BMP5: variants seen among roughly 807,000 people sequenced by gnomAD.
BMP5 encodes bone morphogenetic protein 5.
BMP5 carries 23 observed loss-of-function variants against 46.6 expected under a neutral mutation model. The ratio of observed to expected loss-of-function variants is 0.49; its 90% CI spans 0.35 to 0.70. The LOEUF is 0.70. BMP5 is among the 30% of genes least tolerant of loss of function. The pLI, the probability that BMP5 is intolerant of heterozygous loss-of-function variation, is 0.00. For missense variants in BMP5, 545 were observed against 565.6 expected (o/e 0.96, Z 0.37); for synonymous variants, 204 against 191.9 (o/e 1.06, Z -0.52).
At chr6:55,825,520 C>T (rs1284574962) in intron 1 of BMP5, among the ~76,000 whole-genome samples, 2 of 151,656 alleles carry the variant, frequency 1.3e-5, no homozygotes, top group Non-Finnish European at 2.9e-5. Flanking sequence ...CAAAGTTCTG[C>T]AAAGGTTAAA....
At chr6:55,809,676 C>A (rs1776075273) in intron 2 of BMP5, among the ~76,000 whole-genome samples, 1 of 151,774 alleles carries the variant, frequency 6.6e-6, no homozygotes, top group Non-Finnish European at 1.5e-5. Flanking sequence ...AAGAGGATAG[C>A]CACATATTTT....
intron 1 of BMP5, among the ~76,000 whole-genome samples, chr6:55,840,411 G>A (rs1291626932): frequency 6.6e-6 from 1 of 152,102 alleles, no homozygotes; most frequent in African/African-American, 2.4e-5. Context: ...TAGACATGGT[G>A]AGCATAGATA....
chr6:55,792,403 A>G (rs62406248), intron 3 of BMP5, among the ~76,000 whole-genome samples: 7,293 of 152,182 alleles, frequency 0.048, 287 homozygotes, highest in Middle Eastern at 0.082. Context: ...GCATGGTGGC[A>G]GGCGCCTGTA....
At chr6:55,817,663 A>C (rs1398746352) in intron 2 of BMP5, among the ~76,000 whole-genome samples, 1 of 152,100 alleles carries the variant, frequency 6.6e-6, no homozygotes, top group Non-Finnish European at 1.5e-5. Context: ...TGACGAGTTA[A>C]TGGGTGCAGC....
intron 2 of BMP5, among the ~76,000 whole-genome samples, chr6:55,815,828 A>C (rs1776248949): frequency 6.6e-6 from 1 of 152,126 alleles, no homozygotes; most frequent in Non-Finnish European, 1.5e-5. Flanking sequence ...ATAGACTATA[A>C]AGTATTAATA....
At chr6:55,835,341 T>C (rs918735396) in intron 1 of BMP5, among the ~76,000 whole-genome samples, 4 of 152,130 alleles carry the variant, frequency 2.6e-5, no homozygotes, top group East Asian at 3.9e-4. Flanking sequence ...ATGTGTAACA[T>C]GGGTGGGGCA....
chr6:55,759,194 A>AAAAAAAAAAAAAAAC (rs1554174497), intron 5 of BMP5, 79 bp from the exon 6 acceptor site: 7 of 797,432 alleles, frequency 8.8e-6, no homozygotes, highest in Non-Finnish European at 9.7e-6. Context: ...CAACAAGAAA[A>AAAAAAAAAAAAAAAC]AATATCACCA....
intron 6 of BMP5, among the ~76,000 whole-genome samples, chr6:55,757,587 A>C (rs940253820): frequency 6.6e-6 from 1 of 151,972 alleles, no homozygotes; most frequent in African/African-American, 2.4e-5. Flanking sequence ...TGGAAACACT[A>C]TTCCATATAA....
intron 4 of BMP5, chr6:55,772,856 G>T (rs116739161): frequency 1.0e-6 from 1 of 984,920 alleles, no homozygotes; most frequent in African/African-American, 1.7e-5. Context: ...TTCTCCTGGT[G>T]CCTACCCTTT....
intron 3 of BMP5, among the ~76,000 whole-genome samples, chr6:55,778,878 C>T (rs1005593479): frequency 2.0e-5 from 3 of 151,938 alleles, no homozygotes; most frequent in Non-Finnish European, 4.4e-5. Flanking sequence ...CTACTCTAAC[C>T]CAAATGACTT....
At chr6:55,792,383 A>T (rs1775592497) in intron 3 of BMP5, among the ~76,000 whole-genome samples, 1 of 152,074 alleles carries the variant, frequency 6.6e-6, no homozygotes, top group Admixed American at 6.5e-5. Context: ...AATACAAAAA[A>T]ATTAGCCGGG....
At chr6:55,763,741 CAAGT>C (rs1421738968) in intron 4 of BMP5, among the ~76,000 whole-genome samples, 2 of 152,112 alleles carry the variant, frequency 1.3e-5, no homozygotes, top group African/African-American at 4.8e-5. Context: ...ATCCATAGTG[CAAGT>C]GTTATCAATA....
chr6:55,803,619 G>T (rs1355351087), intron 2 of BMP5, among the ~76,000 whole-genome samples: 1 of 152,140 alleles, frequency 6.6e-6, no homozygotes, highest in East Asian at 1.9e-4. Context: ...CCTTACTGTT[G>T]GGAGCACCTG....
chr6:55,815,663 A>C (rs1344559726), intron 2 of BMP5, among the ~76,000 whole-genome samples: 1 of 152,198 alleles, frequency 6.6e-6, no homozygotes, highest in African/African-American at 2.4e-5. Context: ...AGGTATAATT[A>C]GAAAAATATC....
At chr6:55,836,845 G>GT (rs1385549859) in intron 1 of BMP5, among the ~76,000 whole-genome samples, 1 of 151,990 alleles carries the variant, frequency 6.6e-6, no homozygotes, top group Non-Finnish European at 1.5e-5. Context: ...CTCAAATGTT[G>GT]TTTCACACTA....
chr6:55,839,253 TTTTA>T (rs899360046), intron 1 of BMP5, among the ~76,000 whole-genome samples: 2 of 152,032 alleles, frequency 1.3e-5, no homozygotes, highest in Non-Finnish European at 2.9e-5. Context: ...CTTATTTCAT[TTTTA>T]TTTATTTAGG....
intron 1 of BMP5, among the ~76,000 whole-genome samples, chr6:55,852,277 T>G (rs1002309831): frequency 2.0e-5 from 3 of 151,732 alleles, no homozygotes; most frequent in Admixed American, 1.3e-4. Context: ...TTAAGATGAG[T>G]TTTTTTTGTA....
At chr6:55,826,820 G>A (rs1198606011) in intron 1 of BMP5, among the ~76,000 whole-genome samples, 1 of 151,380 alleles carries the variant, frequency 6.6e-6, no homozygotes, top group Non-Finnish European at 1.5e-5. Context: ...CTCCCTCATG[G>A]TACAGATAAA....
chr6:55,782,005 C>G (rs773926592), intron 3 of BMP5, among the ~76,000 whole-genome samples: 8 of 151,604 alleles, frequency 5.3e-5, no homozygotes, highest in African/African-American at 1.9e-4. Flanking sequence ...ATAAATTATT[C>G]GGCACCTAAT....
Sources: gnomAD v4.1 joint callset for allele counts (sites outside exome capture counted in the v4.1 genomes callset) on GRCh38, gnomAD v4.1.1 for gene constraint, MANE v1.5 for transcripts, NCBI Gene and HGNC (gene_info 2026-07-23, HGNC 2026-07-21) for gene names.